Variants in LAMA2 observed in about 807,000 individuals in gnomAD.
LAMA2 encodes the protein laminin subunit alpha 2.
Under a neutral mutation model 364.8 loss-of-function variants are expected in LAMA2, and 269 were observed. The observed-to-expected ratio is 0.74, with a 90% CI of 0.67 to 0.82. The LOEUF (loss-of-function observed/expected upper bound fraction) is 0.82. LAMA2 is among the 40% of genes least tolerant of loss of function. The pLI, the probability that LAMA2 is intolerant of heterozygous loss-of-function variation, is 0.00. For missense variants in LAMA2, 3,807 were observed against 3,873.2 expected (o/e 0.98, Z 0.45); for synonymous variants, 1,379 against 1,370.6 (o/e 1.01, Z -0.14).
chr6:129,433,890 C>G (rs4897321), intron 41 of LAMA2, among the ~76,000 whole-genome samples: 77,684 of 151,896 alleles, frequency 0.51, 20,684 homozygotes, highest in African/African-American at 0.67. Context: ...GTAAATCCAG[C>G]ACTTTCTCAT....
At chr6:129,072,675 T>C (rs1458817093) in intron 3 of LAMA2, among the ~76,000 whole-genome samples, 1 of 152,136 alleles carries the variant, frequency 6.6e-6, no homozygotes, top group Non-Finnish European at 1.5e-5. Flanking sequence ...GGTTTTTCCC[T>C]ATTTAATTAT....
Position 129,190,248 on chromosome 6 carries a change from T to G in LAMA2, c.1511T>G (p.Phe504Cys). The change falls in exon 11 of 65, where the codon TTC becomes TGC. Residue 504 changes from phenylalanine (F) to cysteine (C), a missense_variant. Physicochemically the swap from Phe to Cys is radical, Grantham distance 205 (BLOSUM62 -2). Coordinates refer to ENST00000421865, the MANE Select transcript of LAMA2 (RefSeq NM_000426.4). ...GACTGTAGTCGTTGCAAATCCGGCT[T>G]CTTCAATTTGCAAGAGGATAATTGG... is the stretch of plus-strand genomic sequence containing the variant. ...GGDCSRCKSGFFNLQEDNWKG... is the reference protein window; with the variant it reads ...GGDCSRCKSGCFNLQEDNWKG... 6.2e-7 allele frequency: 1 copy of G among 1,613,734 alleles called. No homozygotes were observed. The highest frequency in any genetic ancestry group is 8.5e-7 in the Non-Finnish European group (1 of 1,179,630).
chr6:129,174,792 C>G (rs1264669099), intron 9 of LAMA2, among the ~76,000 whole-genome samples: 1 of 152,118 alleles, frequency 6.6e-6, no homozygotes, highest in Non-Finnish European at 1.5e-5. Context: ...GCCAGCGCAA[C>G]GATTCTGTTA....
intron 1 of LAMA2, among the ~76,000 whole-genome samples, chr6:128,910,349 T>A (rs1160742035): frequency 6.6e-6 from 1 of 152,198 alleles, no homozygotes; most frequent in East Asian, 1.9e-4. Flanking sequence ...TTTATTCTTT[T>A]TTCTCTAAAC....
At chr6:129,067,271 A>G (rs1406075387) in intron 3 of LAMA2, among the ~76,000 whole-genome samples, 2 of 152,182 alleles carry the variant, frequency 1.3e-5, no homozygotes, top group East Asian at 1.9e-4. Flanking sequence ...ACAACAGAAT[A>G]TAGTTAAAAT....
At chr6:129,336,691 T>C (rs1775977424) in intron 29 of LAMA2, among the ~76,000 whole-genome samples, 1 of 152,230 alleles carries the variant, frequency 6.6e-6, no homozygotes, top group Non-Finnish European at 1.5e-5. Flanking sequence ...TGATGAGCTA[T>C]TTCATAGTAT....
At chr6:129,379,956 G>A (rs906889587) in intron 34 of LAMA2, among the ~76,000 whole-genome samples, 2 of 151,956 alleles carry the variant, frequency 1.3e-5, no homozygotes, top group South Asian at 2.1e-4. Context: ...CAACATCTAT[G>A]ACCCACGACA....
intron 1 of LAMA2, among the ~76,000 whole-genome samples, chr6:129,018,721 T>G (rs1785234126): frequency 6.6e-6 from 1 of 152,072 alleles, no homozygotes; most frequent in African/African-American, 2.4e-5. Context: ...TTAGAAATCA[T>G]GACTTAGCTA....
At chr6:129,137,317 T>A (rs1002601993) in intron 4 of LAMA2, among the ~76,000 whole-genome samples, 9 of 151,900 alleles carry the variant, frequency 5.9e-5, no homozygotes, top group African/African-American at 1.9e-4. Flanking sequence ...ACATGCTGCA[T>A]GAAAATGAGG....
At chr6:128,913,646 C>T (rs1297139175) in intron 1 of LAMA2, among the ~76,000 whole-genome samples, 1 of 152,182 alleles carries the variant, frequency 6.6e-6, no homozygotes, top group Non-Finnish European at 1.5e-5. Context: ...GCATTGTTAA[C>T]AGTATCTTCA....
Position 129,029,444 on chromosome 6 carries a change from C to T in LAMA2, c.113-20474C>T, listed in dbSNP as rs186185512. On this transcript the variant is annotated intron_variant, in intron 1 of 64. Coordinates refer to ENST00000421865, the MANE Select transcript of LAMA2 (RefSeq NM_000426.4). ...ATATTTAATTGGAGAACAACATAGA[C>T]ACCTTCTGTAATATTATTCAAGTAA... 4.1e-3 allele frequency among the ~76,000 whole-genome samples: 623 copies of T among 152,110 alleles called. 7 individuals carry two copies. Among genetic ancestry groups the T allele is most frequent in the African/African-American group, 0.015 (605 of 41,540 alleles).
At chr6:129,157,464 C>T in intron 8 of LAMA2, 2 of 1,588,050 alleles carry the variant, frequency 1.3e-6, no homozygotes, top group Non-Finnish European at 1.7e-6. Context: ...TAATTCCACC[C>T]ATGCCATGGG....
intron 32 of LAMA2, among the ~76,000 whole-genome samples, chr6:129,360,978 A>T (rs1777426266): frequency 6.6e-6 from 1 of 152,210 alleles, no homozygotes; most frequent in African/African-American, 2.4e-5. Flanking sequence ...CCATCCTGTT[A>T]TCAACAAACT....
chr6:129,207,850 C>G (rs573628935), intron 12 of LAMA2, among the ~76,000 whole-genome samples: 15 of 151,970 alleles, frequency 9.9e-5, no homozygotes, highest in South Asian at 6.2e-4. Flanking sequence ...AAGAACATCA[C>G]CTTGATATTC....
intron 12 of LAMA2, among the ~76,000 whole-genome samples, chr6:129,225,886 C>G (rs541207058): frequency 2.0e-5 from 3 of 152,198 alleles, no homozygotes; most frequent in Non-Finnish European, 2.9e-5. Context: ...TCCTGGATAT[C>G]CTTGTTACCT....
At position 129,512,980 on chromosome 6, in the gene LAMA2, A is replaced by C. The variant is rs538495898; in HGVS notation, c.8988+487A>C. Among the ~76,000 whole-genome samples the C allele has an allele frequency of 2.0e-5, 3 of 152,304 alleles. No individual in the cohort carries two copies. The East Asian group carries it at 5.8e-4, about 29-fold the overall frequency. ...AAAAGCATCCAGCTACCATTTCAAA[A>C]AACAGCAAATTTATAAAAGTAGTGT... is the stretch of plus-strand genomic sequence containing the variant. On this transcript the variant is annotated intron_variant, in intron 63 of 64. Transcript: ENST00000421865.
intron 4 of LAMA2, among the ~76,000 whole-genome samples, chr6:129,106,998 C>T (rs576983066): frequency 1.3e-5 from 2 of 151,754 alleles, no homozygotes; most frequent in African/African-American, 2.4e-5. Context: ...GGAGAAAACA[C>T]CAATATTTAA....
At chr6:129,503,941 C>G (rs1785852804) in intron 60 of LAMA2, among the ~76,000 whole-genome samples, 1 of 152,212 alleles carries the variant, frequency 6.6e-6, no homozygotes, top group Admixed American at 6.5e-5. Context: ...AGCTTACTGT[C>G]CTCTTTGGCA....
chr6:129,234,565 A>G (rs1244948519), intron 12 of LAMA2, among the ~76,000 whole-genome samples: 1 of 152,236 alleles, frequency 6.6e-6, no homozygotes, highest in Non-Finnish European at 1.5e-5. Flanking sequence ...GAAATCCATT[A>G]GCATAAATAC....
Sources: gnomAD v4.1 joint callset for allele counts (sites outside exome capture counted in the v4.1 genomes callset) on GRCh38, gnomAD v4.1.1 for gene constraint, MANE v1.5 for transcripts, NCBI Gene and HGNC (gene_info 2026-07-23, HGNC 2026-07-21) for gene names.